Variants in EPM2A observed in about 807,000 individuals in gnomAD.
EPM2A encodes EPM2A glucan phosphatase, laforin, also known as laforin.
A neutral mutation model predicts 26.5 loss-of-function variants in EPM2A; 21 were observed. The observed-to-expected ratio is 0.79, with a 90% CI of 0.56 to 1.14. The LOEUF is 1.14. EPM2A is among the 50% of genes most tolerant of loss of function. EPM2A has a pLI of 0.00. For synonymous variants in EPM2A, 217 were observed against 177.6 expected (o/e 1.22, Z -1.76); for missense variants, 458 against 440.8 (o/e 1.04, Z -0.35).
At chr6:145,590,256 G>A (rs1368275205) in intron 2 of EPM2A, among the ~76,000 whole-genome samples, 2 of 152,038 alleles carry the variant, frequency 1.3e-5, no homozygotes, top group Non-Finnish European at 2.9e-5. Context: ...CAAGAGCCAA[G>A]AGAAACTCCC....
chr6:145,465,658 C>T (rs1322654454), intron 4 of EPM2A, among the ~76,000 whole-genome samples: 1 of 151,716 alleles, frequency 6.6e-6, no homozygotes, highest in Non-Finnish European at 1.5e-5. Context: ...GTGTGGATGT[C>T]CTTTCTGTTT....
intron 2 of EPM2A, among the ~76,000 whole-genome samples, chr6:145,645,307 G>GTGT (rs201245338): frequency 1.2e-4 from 19 of 152,132 alleles, no homozygotes; most frequent in African/African-American, 2.2e-4. Flanking sequence ...ATTTTCAAAA[G>GTGT]TGTTGTTGTT....
intron 4 of EPM2A, among the ~76,000 whole-genome samples, chr6:145,404,708 A>G (rs937155004): frequency 6.6e-6 from 1 of 152,136 alleles, no homozygotes; most frequent in Non-Finnish European, 1.5e-5. Flanking sequence ...AAAATCCAAA[A>G]GAGTAATTGA....
chr6:145,488,206 T>C (rs1779702502), intron 4 of EPM2A, among the ~76,000 whole-genome samples: 1 of 152,134 alleles, frequency 6.6e-6, no homozygotes, highest in Non-Finnish European at 1.5e-5. Flanking sequence ...TACCATGCTG[T>C]TTGGTTACTG....
intron 4 of EPM2A, among the ~76,000 whole-genome samples, chr6:145,455,150 G>C (rs1035832062): frequency 6.6e-6 from 1 of 151,748 alleles, no homozygotes; most frequent in Non-Finnish European, 1.5e-5. Flanking sequence ...AAATTGTGTT[G>C]TGGTAACAAA....
chr6:145,614,845 G>A (rs1775471036), intron 2 of EPM2A, among the ~76,000 whole-genome samples: 1 of 152,170 alleles, frequency 6.6e-6, no homozygotes, highest in Admixed American at 6.5e-5. Flanking sequence ...AATATTGTGA[G>A]AATTGCAAAA....
At chr6:145,483,222 A>G (rs935673949) in intron 4 of EPM2A, among the ~76,000 whole-genome samples, 1 of 152,106 alleles carries the variant, frequency 6.6e-6, no homozygotes, top group East Asian at 1.9e-4. Context: ...AGCTTTGACA[A>G]GCATTCAATT....
In EPM2A at chr6:145,625,467, G is replaced by GA; in HGVS notation, c.*1948dup. ...AAGGAACAAAGGTAAAAATCCACCTGAAAAAAGATCTTTGTATCATGGAAA... is the reference window on the plus strand; with the variant it reads ...AAGGAACAAAGGTAAAAATCCACCTGAAAAAAAGATCTTTGTATCATGGAAA... On this transcript the variant is annotated 3_prime_UTR_variant, in exon 4 of 4. Coordinates refer to ENST00000367519, the MANE Select transcript of EPM2A (RefSeq NM_005670.4). The GA allele has an allele frequency of 1.9e-6, 1 of 516,806 alleles. No homozygotes were observed. 32.0% of individuals were successfully genotyped at this position (516,806 alleles called of 1,614,324 possible).
intron 1 of EPM2A, among the ~76,000 whole-genome samples, chr6:145,720,553 C>T (rs1457280930): frequency 1.3e-5 from 2 of 152,078 alleles, no homozygotes; most frequent in African/African-American, 4.8e-5. Context: ...CAGTGTGACC[C>T]CCAAATATTG....
intron 4 of EPM2A, among the ~76,000 whole-genome samples, chr6:145,477,883 C>T (rs1333945991): frequency 6.6e-6 from 1 of 151,760 alleles, no homozygotes; most frequent in Non-Finnish European, 1.5e-5. Flanking sequence ...AACAAGGATG[C>T]CCACTGTCAC....
chr6:145,663,982 C>G (rs1194954732), intron 2 of EPM2A, among the ~76,000 whole-genome samples: 1 of 82,134 alleles, frequency 1.2e-5, no homozygotes, highest in African/African-American at 5.9e-5. Context: ...TTTGTCACCA[C>G]CAAGCCTGCC....
chr6:145,618,772 G>A (rs1246189354), intron 2 of EPM2A, among the ~76,000 whole-genome samples: 3 of 152,210 alleles, frequency 2.0e-5, no homozygotes, highest in Non-Finnish European at 2.9e-5. Context: ...TGTGAGAACA[G>A]ACTAATACAA....
At chr6:145,495,146 T>G (rs370435094) in intron 4 of EPM2A, among the ~76,000 whole-genome samples, 2 of 152,308 alleles carry the variant, frequency 1.3e-5, no homozygotes, top group East Asian at 3.9e-4. Flanking sequence ...TCTAAAAACT[T>G]GCTTTATAAA....
Position 145,461,635 on chromosome 6 carries a change from G to A in EPM2A, c.555+40887C>T, listed in dbSNP as rs752655735. Among the ~76,000 whole-genome samples the A allele has an allele frequency of 2.2e-4, 34 of 152,262 alleles. 1 individual carries two copies. In the South Asian group the frequency reaches 2.5e-3, roughly 11 times the overall value. Reference sequence around the variant, plus strand: ...AGAGAAAAGGCCTCTTGAGGCATCTGAAAGTGACTTTCTGGAGGAGAGAAA... The same window carrying A: ...AGAGAAAAGGCCTCTTGAGGCATCTAAAAGTGACTTTCTGGAGGAGAGAAA... On this transcript the variant is annotated intron_variant, in intron 4 of 4. Transcript: ENST00000638717.
intron 4 of EPM2A, among the ~76,000 whole-genome samples, chr6:145,462,372 T>A (rs1779337691): frequency 6.6e-6 from 1 of 152,112 alleles, no homozygotes; most frequent in South Asian, 2.1e-4. Context: ...TTGCATGAAG[T>A]CAAATGGGAA....
rs780647261 is a variant in EPM2A at position 145,386,851 on chromosome 6, G to A, written c.556-2754C>T. Among the ~76,000 whole-genome samples the A allele has an allele frequency of 8.5e-5, 13 of 152,216 alleles. 1 individual carries two copies. The highest frequency in any genetic ancestry group is 4.2e-4 in the South Asian group (2 of 4,818). ...TCTCTCATAATCAGTGGGATTTTTC[G>A]TTCCTTTTCTTAGACTCTTTTGGGT... On this transcript the variant is annotated intron_variant, in intron 4 of 4. Coordinates refer to the EPM2A transcript ENST00000638717.
intron 4 of EPM2A, among the ~76,000 whole-genome samples, chr6:145,443,703 T>C (rs939784716): frequency 6.6e-6 from 1 of 152,148 alleles, no homozygotes; most frequent in Non-Finnish European, 1.5e-5. Context: ...TGGCTCTGTG[T>C]CCCTACCCAA....
At position 145,649,496 on chromosome 6, in the gene EPM2A, G is replaced by C. The variant is rs186502031; in HGVS notation, c.477-14010C>G. Reference sequence around the variant, plus strand: ...TACTAATGTGTTGGTAAGCCTATATGATGGGGGCAAATTGTGTAACACGTC... The same window carrying C: ...TACTAATGTGTTGGTAAGCCTATATCATGGGGGCAAATTGTGTAACACGTC... On this transcript the variant is annotated intron_variant, in intron 2 of 3. Transcript: ENST00000367519. Among the ~76,000 whole-genome samples the C allele has an allele frequency of 6.6e-5, 10 of 152,304 alleles. No individual in the cohort carries two copies. In the East Asian group the frequency reaches 1.9e-3, roughly 29 times the overall value.
chr6:145,430,187 C>T (rs895053513), intron 4 of EPM2A, among the ~76,000 whole-genome samples: 3 of 147,486 alleles, frequency 2.0e-5, no homozygotes, highest in South Asian at 4.3e-4. Flanking sequence ...AGTGAAACTC[C>T]GTCTCAAATA....
Sources: allele counts gnomAD v4.1 joint callset (sites outside exome capture counted in the v4.1 genomes callset), GRCh38; gene constraint gnomAD v4.1.1; transcripts MANE v1.5; gene names NCBI Gene and HGNC (gene_info 2026-07-23, HGNC 2026-07-21).